Variants in TECPR2 observed in about 807,000 individuals in gnomAD.
TECPR2 encodes tectonin beta-propeller repeat-containing protein 2.
In TECPR2, 65 loss-of-function variants were observed where a neutral mutation model predicts 138.1. The ratio of observed to expected loss-of-function variants is 0.47; its 90% CI spans 0.39 to 0.58. TECPR2 has a LOEUF of 0.58. Among genes scored for constraint, TECPR2 ranks in the 20% least tolerant of loss-of-function variants. TECPR2 has a pLI of 0.00. For missense variants in TECPR2, 1,553 were observed against 1,824.5 expected (o/e 0.85, Z 2.71); for synonymous variants, 746 against 749.8 (o/e 0.99, Z 0.08).
At chr14:102,423,227 G>A (rs1889231278) in intron 5 of TECPR2, among the ~76,000 whole-genome samples, 1 of 152,282 alleles carries the variant, frequency 6.6e-6, no homozygotes, top group Non-Finnish European at 1.5e-5. Flanking sequence ...GAGGTCAGGA[G>A]TTCGAGACCA....
At chr14:102,372,556 C>T (rs1005318707) in intron 1 of TECPR2, among the ~76,000 whole-genome samples, 1 of 152,100 alleles carries the variant, frequency 6.6e-6, no homozygotes, top group Non-Finnish European at 1.5e-5. Context: ...TGTGAGACAC[C>T]GCGCCCAGCC....
Position 102,435,171 on chromosome 14 carries a change from G to T in TECPR2, c.2354G>T (p.Arg785Leu). 1 of 1,612,890 alleles carries T rather than the reference G, an allele frequency of 6.2e-7. No individual in the cohort carries two copies. Among genetic ancestry groups the T allele is most frequent in the East Asian group, 2.2e-5 (1 of 44,882 alleles). The change falls in exon 9 of 20, where the codon CGG (arginine) becomes CTG (leucine). Residue 785 changes from arginine (R) to leucine (L), a missense_variant. Arg to Leu is a moderately radical substitution (Grantham distance 102, BLOSUM62 -2). Transcript: ENST00000359520. Reference protein sequence around the residue: ...GPSCSQQDLSRLGAEDAGLLK... With the variant: ...GPSCSQQDLSLLGAEDAGLLK... The stretch of plus-strand genomic sequence containing the variant: ...AGTTGCTCCCAGCAGGACCTGAGCC[G>T]GCTGGGTGCAGAGGACGCCGGGCTG...
Position 102,443,510 on chromosome 14 carries a change from A to AC in TECPR2, c.2753-137_2753-136insC. The AC allele has an allele frequency of 2.7e-6, 2 of 734,536 alleles. No homozygotes were observed. The highest frequency in any genetic ancestry group is 1.9e-6 in the Non-Finnish European group (1 of 525,202). 45.5% of individuals were successfully genotyped at this position (734,536 alleles called of 1,614,324 possible). The stretch of plus-strand genomic sequence containing the variant: ...TATTTTTAATTAATTAATTAATTAA[A>AC]GTTTTTTTTTAAAGCACTCATCATA... On this transcript the variant is annotated intron_variant, in intron 11 of 19. Transcript: ENST00000359520. The surrounding 1 kb of genome is among the most constrained non-coding windows in gnomAD (Gnocchi z 4.9).
At chr14:102,453,313 TA>T (rs1377392434) in intron 16 of TECPR2, among the ~76,000 whole-genome samples, 4 of 151,648 alleles carry the variant, frequency 2.6e-5, no homozygotes, top group Non-Finnish European at 5.9e-5. Context: ...CTGTCTCTAC[TA>T]AAAATACAAA....
intron 1 of TECPR2, among the ~76,000 whole-genome samples, chr14:102,365,499 A>C (rs1053509194): frequency 6.6e-6 from 1 of 152,200 alleles, no homozygotes; most frequent in Non-Finnish European, 1.5e-5. Flanking sequence ...ATGCACAAAC[A>C]AAACGTGGCC....
At chr14:102,454,087 A>C in intron 16 of TECPR2, among the ~76,000 whole-genome samples, 1 of 151,300 alleles carries the variant, frequency 6.6e-6, no homozygotes. Flanking sequence ...TGGTAGGCAG[A>C]GGTTGCAGTG....
At chr14:102,478,517 T>G (rs1890817214) in intron 17 of TECPR2, among the ~76,000 whole-genome samples, 2 of 149,578 alleles carry the variant, frequency 1.3e-5, no homozygotes, top group South Asian at 4.3e-4. Context: ...CCCATCTCTA[T>G]GAAAAATACA....
chr14:102,386,923 G>C (rs12879435), intron 2 of TECPR2, among the ~76,000 whole-genome samples: 1 of 151,950 alleles, frequency 6.6e-6, no homozygotes, highest in Non-Finnish European at 1.5e-5. Flanking sequence ...TTCAAGGCAC[G>C]TATCTCTGAT....
At chr14:102,392,507 TA>T (rs760291733) in intron 2 of TECPR2, among the ~76,000 whole-genome samples, 33 of 152,248 alleles carry the variant, frequency 2.2e-4, no homozygotes, top group Admixed American at 5.9e-4. Context: ...TTTTCATTTC[TA>T]TTTCCAATAG....
At position 102,473,879 on chromosome 14, in the gene TECPR2, G is replaced by A. The variant is rs150983967; in HGVS notation, c.3789+8590G>A. Among the ~76,000 whole-genome samples the A allele has an allele frequency of 3.4e-3, 516 of 152,322 alleles. 5 individuals carry two copies. Among genetic ancestry groups the A allele is most frequent in the African/African-American group, 0.012 (487 of 41,576 alleles). On this transcript the variant is annotated intron_variant, in intron 17 of 19. Coordinates refer to ENST00000359520, the MANE Select transcript of TECPR2 (RefSeq NM_014844.5). The stretch of plus-strand genomic sequence containing the variant: ...TCTGTGTGCCCCATGTGCTTGAGTA[G>A]AAGAGGTGTCTGTTCTTACTGTGCT...
intron 2 of TECPR2, among the ~76,000 whole-genome samples, chr14:102,383,607 C>T (rs1329536435): frequency 1.3e-5 from 2 of 151,914 alleles, no homozygotes; most frequent in East Asian, 1.9e-4. Context: ...AGGGTTTTAC[C>T]ATGTTGGCCA....
At position 102,419,243 on chromosome 14, in the gene TECPR2, C is replaced by T. The variant is rs1000031428; in HGVS notation, c.638+4450C>T. Among the ~76,000 whole-genome samples the T allele has an allele frequency of 6.6e-6, 1 of 152,072 alleles. No individual in the cohort carries two copies. Among genetic ancestry groups the T allele is most frequent in the African/African-American group, 2.4e-5 (1 of 41,400 alleles). ...TGAGGCAGCTTCGACGGGCCTGAGT[C>T]TGTAGCATGGAGGCTGTGCACAGCC... On this transcript the variant is annotated intron_variant, in intron 5 of 19. Transcript: ENST00000359520. The surrounding 1 kb of genome is among the most constrained non-coding windows in gnomAD (Gnocchi z 4.8).
In TECPR2 at chr14:102,440,394, C is replaced by T. The variant is rs776109483; in HGVS notation, c.2579-42C>T. Reference sequence around the variant, plus strand: ...GAAGACTTTTGTATAGAAATATATTCTAGTATTTATTGGACAGTGAATAGA... The same window carrying T: ...GAAGACTTTTGTATAGAAATATATTTTAGTATTTATTGGACAGTGAATAGA... On this transcript the variant is annotated intron_variant, in intron 10 of 19. Transcript: ENST00000359520. The T allele has an allele frequency of 2.5e-6, 4 of 1,602,000 alleles. No individual in the cohort carries two copies. The South Asian group carries it at 3.3e-5, about 13-fold the overall frequency.
At position 102,457,087 on chromosome 14, in the gene TECPR2, C is replaced by T. The variant is rs117502470; in HGVS notation, c.3640+4460C>T. On this transcript the variant is annotated intron_variant, in intron 16 of 19. Coordinates refer to ENST00000359520, the MANE Select transcript of TECPR2 (RefSeq NM_014844.5). ...GAAAAGCAGGTAGGTCAAGAGACTT[C>T]TCTTTTTGTTTGTTTGAGACAGAGT... Among the ~76,000 whole-genome samples the T allele has an allele frequency of 7.3e-4, 111 of 151,776 alleles. 4 individuals carry two copies. The East Asian group carries it at 0.018, about 24-fold the overall frequency.
rs1452735849 is a variant in TECPR2, at chr14:102,414,667, A to T, written c.512A>T (p.Glu171Val). The T allele has an allele frequency of 1.2e-6, 2 of 1,614,070 alleles. No homozygotes were observed. The highest frequency in any genetic ancestry group is 2.7e-5 in the African/African-American group (2 of 74,900). ...GLCNSQLVLE[E>V]PSSIVQLDYS... ...TGTAACTCCCAGCTGGTGTTGGAGG[A>T]GCCATCTTCCATTGTGCAGCTGGAT... The change falls in exon 5 of 20, where the codon GAG (glutamate) becomes GTG (valine). Residue 171 changes from glutamate (E) to valine (V), a missense_variant. Physicochemically the swap from Glu to Val is moderately radical, Grantham distance 121. Transcript: ENST00000359520.
chr14:102,438,230 C>CGCTCCCT (rs1567342054), intron 10 of TECPR2, 25 bp downstream of exon 10: 4 of 1,584,182 alleles, frequency 2.5e-6, no homozygotes, highest in Admixed American at 3.4e-5. Context: ...TCCCTGCTCC[C>CGCTCCCT]GCTCCCTGCT....
At chr14:102,438,348 C>T in intron 10 of TECPR2, 143 bp downstream of exon 10, 1 of 1,079,538 alleles carries the variant, frequency 9.3e-7, no homozygotes, top group Non-Finnish European at 1.3e-6. Flanking sequence ...AGGTTTGCCT[C>T]TTCAGGAACG....
chr14:102,379,266 A>G (rs955753531), intron 2 of TECPR2, among the ~76,000 whole-genome samples: 3 of 152,018 alleles, frequency 2.0e-5, no homozygotes, highest in Admixed American at 2.0e-4. Context: ...CCATGCACAG[A>G]GGCGTCCTAG....
chr14:102,373,706 A>G (rs1887567407), intron 1 of TECPR2, among the ~76,000 whole-genome samples: 1 of 152,060 alleles, frequency 6.6e-6, no homozygotes, highest in Admixed American at 6.6e-5. Context: ...TATTATTATT[A>G]TTGTTATTTA....
Sources: allele counts gnomAD v4.1 joint callset (sites outside exome capture counted in the v4.1 genomes callset), GRCh38; gene constraint gnomAD v4.1.1; non-coding constraint Gnocchi (gnomAD v3.1); transcripts MANE v1.5; gene names NCBI Gene and HGNC (gene_info 2026-07-23, HGNC 2026-07-21).